The following BST1 variants were observed in gnomAD, a reference collection of about 807,000 sequenced individuals.
BST1 encodes ADP-ribosyl cyclase/cyclic ADP-ribose hydrolase 2.
Under a neutral mutation model 40.6 loss-of-function variants are expected in BST1, and 49 were observed. The observed-to-expected ratio is 1.21, with a 90% CI of 0.96 to 1.53. BST1 has a LOEUF of 1.53. Among genes scored for constraint, BST1 ranks in the 40% most tolerant of loss-of-function variants. The probability of loss-of-function intolerance (pLI) is 0.00; values close to 1 mark genes in which losing one functional copy is unlikely to be tolerated. For synonymous variants in BST1, 157 were observed against 159.3 expected, an observed-to-expected ratio of 0.99 and a Z score of 0.11; for missense variants, 423 against 395.9, an observed-to-expected ratio of 1.07 and a Z score of -0.58.
chr4:15,762,226 A>C, the BST1 span, among the ~76,000 whole-genome samples: 1 of 149,398 alleles, frequency 6.7e-6, no homozygotes, highest in African/African-American at 2.5e-5. Flanking sequence ...AATAGAAAGA[A>C]CTTAATTCAA....
Position 15,715,695 on chromosome 4 carries a change from A to T in BST1, c.612-12A>T. 6.4e-7 allele frequency: 1 copy of T among 1,554,096 alleles called. No homozygotes were observed. The highest frequency in any genetic ancestry group is 1.4e-5 in the African/African-American group (1 of 72,832). On this transcript the variant is annotated splice_polypyrimidine_tract_variant and intron_variant, in intron 5 of 8. Transcript: ENST00000265016. ...ATCATATTGCTTTAGGGCTTCAAGA[A>T]ATGTTTCTCAGTTTTTTTGCAGATT...
intron 7 of BST1, among the ~76,000 whole-genome samples, chr4:15,722,412 C>T (rs1184500381): frequency 6.6e-6 from 1 of 151,966 alleles, no homozygotes; most frequent in African/African-American, 2.4e-5. Flanking sequence ...TTGATAAATG[C>T]TGGCTAATAT....
At chr4:15,719,244 C>G (rs1276578171) in intron 7 of BST1, among the ~76,000 whole-genome samples, 2 of 152,136 alleles carry the variant, frequency 1.3e-5, no homozygotes, top group African/African-American at 4.8e-5. Context: ...CTCATTTGCT[C>G]ATGCCCAGTT....
At chr4:15,742,818 GA>G (rs1265275598), downstream of BST1, among the ~76,000 whole-genome samples, 1 of 152,226 alleles carries the variant, frequency 6.6e-6, no homozygotes, top group East Asian at 1.9e-4. Context: ...ATACAGTGCA[GA>G]ATGCACCTCG....
intron 2 of BST1, among the ~76,000 whole-genome samples, chr4:15,706,001 C>T (rs904743584): frequency 3.3e-5 from 5 of 152,084 alleles, no homozygotes; most frequent in African/African-American, 7.2e-5. Flanking sequence ...TTACATGGCA[C>T]GAGCAGGACC....
chr4:15,725,947 C>CTTTTTTTT lies in BST1; in HGVS notation c.851+3031_851+3038dup, dbSNP rs1206237130. On this transcript the variant is annotated intron_variant, in intron 8 of 8. Coordinates refer to ENST00000265016, the MANE Select transcript of BST1 (RefSeq NM_004334.3). ...GACTGACCTACTTGTGAAGTGCGGT[C>CTTTTTTTT]TTTTTTTTTTTTTTTTTTTTTTTTT... Among the ~76,000 whole-genome samples, 34 of 60,150 alleles carry CTTTTTTTT rather than the reference C, an allele frequency of 5.7e-4. 4 individuals carry two copies. Among genetic ancestry groups the CTTTTTTTT allele is most frequent in the Non-Finnish European group, 6.3e-4 (22 of 35,150 alleles). 39.5% of individuals were successfully genotyped at this position (60,150 alleles called of 152,430 possible).
chr4:15,749,951 T>G, the BST1 span, among the ~76,000 whole-genome samples: 1 of 150,260 alleles, frequency 6.7e-6, no homozygotes, highest in Non-Finnish European at 1.5e-5. Context: ...TTTTTTTTTT[T>G]GTATCCATTA....
At chr4:15,736,683 A>G (rs976477747), downstream of BST1, among the ~76,000 whole-genome samples, 4 of 151,826 alleles carry the variant, frequency 2.6e-5, no homozygotes, top group Non-Finnish European at 5.9e-5. Context: ...TCTGTGTCCC[A>G]GGAGACCCCA....
At chr4:15,766,544 A>C in the BST1 span, among the ~76,000 whole-genome samples, 2 of 151,932 alleles carry the variant, frequency 1.3e-5, no homozygotes, top group Non-Finnish European at 2.9e-5. Flanking sequence ...TTTCATTAAA[A>C]ATACAGAAAG....
chr4:15,773,680 C>T, the BST1 span, among the ~76,000 whole-genome samples: 3 of 152,188 alleles, frequency 2.0e-5, no homozygotes, highest in East Asian at 3.8e-4. Context: ...TCTGCAGCCC[C>T]AGCTACTCAG....
chr4:15,724,068 T>C (rs1174035858), intron 8 of BST1, among the ~76,000 whole-genome samples: 1 of 152,220 alleles, frequency 6.6e-6, no homozygotes, highest in Non-Finnish European at 1.5e-5. Flanking sequence ...CTGTGAGGCT[T>C]TCCTCATTCT....
At chr4:15,770,148 A>ATT in the BST1 span, among the ~76,000 whole-genome samples, 56 of 150,648 alleles carry the variant, frequency 3.7e-4, no homozygotes, top group African/African-American at 1.3e-3. Flanking sequence ...CTAAAATGTG[A>ATT]TTTTTTTTTT....
rs1002562747 is a variant in BST1 at position 15,732,246 on chromosome 4, T to C, written c.*401T>C. ...GATTGCTTAAGACATATGTATACTA[T>C]ATAAATGTATGCATATATGGTCTGC... On this transcript the variant is annotated 3_prime_UTR_variant, in exon 9 of 9. Transcript: ENST00000265016. The C allele has an allele frequency of 4.8e-6, 2 of 414,112 alleles. No homozygotes were observed. Among genetic ancestry groups the C allele is most frequent in the African/African-American group, 4.3e-5 (2 of 46,258 alleles). The allele number at this position is 414,112 out of a possible 1,614,324, so 25.7% of individuals were successfully genotyped here. A position where few individuals can be genotyped will look rare whatever the true frequency, so the allele number is the denominator to read the frequency against.
Position 15,732,136 on chromosome 4 carries a change from A to G in BST1, c.*291A>G. The G allele has an allele frequency of 8.9e-7, 1 of 1,129,522 alleles. No homozygotes were observed. Among genetic ancestry groups the G allele is most frequent in the Non-Finnish European group, 1.1e-6 (1 of 920,200 alleles). 70.0% of individuals were successfully genotyped at this position (1,129,522 alleles called of 1,614,324 possible). A position where few individuals can be genotyped will look rare whatever the true frequency, so the allele number is the denominator to read the frequency against. The stretch of plus-strand genomic sequence containing the variant: ...TCAGACTGCTTGTATATTATCAAAC[A>G]TTTTAAGAGAATTCTAATAAAGCTG... On this transcript the variant is annotated 3_prime_UTR_variant, in exon 9 of 9. Transcript: ENST00000265016.
chr4:15,736,999 C>T (rs533814222), downstream of BST1, among the ~76,000 whole-genome samples: 1 of 152,304 alleles, frequency 6.6e-6, no homozygotes, highest in Non-Finnish European at 1.5e-5. Context: ...ACTCTGGCAC[C>T]TAACAGGTTG....
chr4:15,707,420 TG>T lies in BST1; in HGVS notation c.316-89del. On this transcript the variant is annotated intron_variant, in intron 2 of 8. Transcript: ENST00000265016. ...CAGCAGGTCAGAGTTGAATGAGAAC[TG>T]GATTGCCCAACTTGCCTTGATGATA... 4 of 1,500,140 alleles carry T rather than the reference TG, an allele frequency of 2.7e-6. No individual in the cohort carries two copies. The South Asian group carries it at 4.6e-5, about 17-fold the overall frequency. The allele number at this position is 1,500,140 out of a possible 1,614,324, so 92.9% of individuals were successfully genotyped here. A position where few individuals can be genotyped will look rare whatever the true frequency, so the allele number is the denominator to read the frequency against.
At chr4:15,762,998 T>C in the BST1 span, among the ~76,000 whole-genome samples, 1 of 152,054 alleles carries the variant, frequency 6.6e-6, no homozygotes, top group African/African-American at 2.4e-5. Context: ...TTGGCTATTG[T>C]GAATAATGCT....
downstream of BST1, among the ~76,000 whole-genome samples, chr4:15,736,932 G>A (rs985099957): frequency 2.6e-5 from 4 of 152,108 alleles, no homozygotes; most frequent in African/African-American, 9.7e-5. Context: ...CCTTGGGTTT[G>A]GGGAATCAAG....
chr4:15,739,523 T>A (rs974612637), downstream of BST1, among the ~76,000 whole-genome samples: 4 of 151,194 alleles, frequency 2.6e-5, no homozygotes, highest in African/African-American at 9.7e-5. Context: ...GACTTACTTA[T>A]TTGAGAAAAA....
Sources: allele counts gnomAD v4.1 joint callset (sites outside exome capture counted in the v4.1 genomes callset), GRCh38; gene constraint gnomAD v4.1.1; transcripts MANE v1.5; gene names NCBI Gene and HGNC (gene_info 2026-07-23, HGNC 2026-07-21).